Variants in MYO3B observed in about 807,000 individuals in gnomAD.
The protein encoded by MYO3B is myosin-IIIb.
Under a neutral mutation model 174.6 loss-of-function variants are expected in MYO3B, and 156 were observed. The ratio of observed to expected loss-of-function variants is 0.89; its 90% CI spans 0.78 to 1.02. The LOEUF (loss-of-function observed/expected upper bound fraction) is 1.02. Ranked by LOEUF, MYO3B falls within the 50% of genes least tolerant of loss-of-function variation. The pLI is 0.00. For missense variants in MYO3B, 1,632 were observed against 1,639.4 expected, an observed-to-expected ratio of 1.00 and a Z score of 0.08; for synonymous variants, 563 against 569.1, an observed-to-expected ratio of 0.99 and a Z score of 0.15.
In MYO3B at chr2:170,600,605, A is replaced by G. The variant is rs572342797; in HGVS notation, c.3734-51023A>G. Among the ~76,000 whole-genome samples, 6 of 152,332 alleles carry G rather than the reference A, an allele frequency of 3.9e-5. No individual in the cohort carries two copies. In the South Asian group the frequency reaches 1.0e-3, roughly 26 times the overall value. ...GAAAGTCTCATTTCCTGAGCAGTCC[A>G]TATTTAGATAAATGGGAAAAGACAT... On this transcript the variant is annotated intron_variant, in intron 32 of 34. Transcript: ENST00000408978.
chr2:170,401,539 T>C lies in MYO3B; in HGVS notation c.1977T>C (p.Cys659=). The part of the protein sequence containing the change: ...EELQEALTSH[C]VVTRGETIIR... ...TCCAGGAGGCCCTCACCTCCCACTG[T>C]GTGGTCACCCGGGGCGAGACCATCA... The change falls in exon 18 of 35, where the codon TGT becomes TGC. Residue 659 remains cysteine (C), a synonymous_variant. Transcript: ENST00000408978. 1 of 1,614,204 alleles carries C rather than the reference T, an allele frequency of 6.2e-7. No individual in the cohort carries two copies. Among genetic ancestry groups the C allele is most frequent in the Non-Finnish European group, 8.5e-7 (1 of 1,180,034 alleles).
chr2:170,585,188 G>A (rs886563579), intron 32 of MYO3B, among the ~76,000 whole-genome samples: 1 of 152,190 alleles, frequency 6.6e-6, no homozygotes, highest in African/African-American at 2.4e-5. Flanking sequence ...CTAGGGGCAT[G>A]CACAAAAAGG....
At chr2:170,415,435 A>T (rs1186106203) in intron 22 of MYO3B, among the ~76,000 whole-genome samples, 1 of 152,108 alleles carries the variant, frequency 6.6e-6, no homozygotes, top group African/African-American at 2.4e-5. Context: ...CATACATTTT[A>T]CTTATGTATC....
chr2:170,201,047 G>T (rs1314516714), intron 3 of MYO3B, among the ~76,000 whole-genome samples: 7 of 152,144 alleles, frequency 4.6e-5, no homozygotes, highest in Admixed American at 4.6e-4. Flanking sequence ...TGTGAAGAGG[G>T]AATCTGAAGG....
intron 3 of MYO3B, 54 bp downstream of exon 3, chr2:170,200,338 C>T (rs2092647681): frequency 1.3e-5 from 20 of 1,576,884 alleles, no homozygotes; most frequent in Non-Finnish European, 1.7e-5. Flanking sequence ...CAGAGGCCAA[C>T]AGATGCTTTA....
intron 29 of MYO3B, among the ~76,000 whole-genome samples, chr2:170,516,642 CAA>C (rs35780085): frequency 0.02 from 2,113 of 108,156 alleles, 52 homozygotes; most frequent in African/African-American, 0.06. Flanking sequence ...GACTCCGTCT[CAA>C]AAAAAAAAAA....
intron 6 of MYO3B, among the ~76,000 whole-genome samples, chr2:170,235,705 T>C (rs1367730232): frequency 6.6e-6 from 1 of 152,192 alleles, no homozygotes; most frequent in Non-Finnish European, 1.5e-5. Context: ...GTTGGGATGG[T>C]GTGGTATACA....
rs376666399 is a variant in MYO3B, at chr2:170,346,040, T to C, written c.815+10590T>C. 5.9e-5 allele frequency: 9 copies of C among 152,242 alleles called. No homozygotes were observed. The East Asian group carries it at 7.7e-4, about 13-fold the overall frequency. The allele number at this position is 152,242 out of a possible 1,614,324, so 9.4% of individuals were successfully genotyped here. ...AAGTCACTTGGTTTGTGATACTTTATTATAGCAGCCCTAGGAAATTAATAC... is the reference window on the plus strand; with the variant it reads ...AAGTCACTTGGTTTGTGATACTTTACTATAGCAGCCCTAGGAAATTAATAC... On this transcript the variant is annotated intron_variant, in intron 8 of 34. Coordinates refer to ENST00000408978, the MANE Select transcript of MYO3B (RefSeq NM_138995.5).
intron 32 of MYO3B, among the ~76,000 whole-genome samples, chr2:170,625,309 G>C (rs1282513512): frequency 2.6e-5 from 4 of 152,074 alleles, no homozygotes; most frequent in South Asian, 2.1e-4. Context: ...GTATATGTGT[G>C]GAGGTATTTA....
intron 24 of MYO3B, 119 bp from the exon 25 acceptor site, chr2:170,466,387 T>C: frequency 3.5e-6 from 3 of 849,862 alleles, no homozygotes; most frequent in Non-Finnish European, 5.6e-6. Context: ...TGATTTCATG[T>C]TCTTCCTCAA....
intron 32 of MYO3B, among the ~76,000 whole-genome samples, chr2:170,592,525 C>A (rs577504759): frequency 1.3e-5 from 2 of 152,174 alleles, no homozygotes; most frequent in East Asian, 3.8e-4. Flanking sequence ...TAGGTTAAAA[C>A]AAAATGAGTG....
intron 7 of MYO3B, among the ~76,000 whole-genome samples, chr2:170,291,109 C>T (rs552108748): frequency 6.6e-6 from 1 of 151,984 alleles, no homozygotes; most frequent in South Asian, 2.1e-4. Flanking sequence ...ATTAGCCAGG[C>T]ATGGTGATGG....
chr2:170,604,137 A>G (rs1303650023), intron 32 of MYO3B, among the ~76,000 whole-genome samples: 2 of 152,200 alleles, frequency 1.3e-5, no homozygotes, highest in East Asian at 1.9e-4. Context: ...CTAGTGGCAC[A>G]TTTCTCAGAA....
chr2:170,561,125 T>C (rs1274727932), intron 32 of MYO3B, among the ~76,000 whole-genome samples: 4 of 152,204 alleles, frequency 2.6e-5, no homozygotes, highest in Non-Finnish European at 5.9e-5. Context: ...TTCAGTCCAT[T>C]AATGGAACCC....
At chr2:170,423,455 G>T (rs974621788) in intron 22 of MYO3B, among the ~76,000 whole-genome samples, 2 of 152,110 alleles carry the variant, frequency 1.3e-5, no homozygotes, top group Non-Finnish European at 2.9e-5. Context: ...AGGTGGGGTA[G>T]CACAGAATAA....
intron 9 of MYO3B, 116 bp downstream of exon 9, chr2:170,369,493 GTT>G (rs1215374836): frequency 1.7e-5 from 21 of 1,202,378 alleles, no homozygotes; most frequent in Non-Finnish European, 2.3e-5. Flanking sequence ...ATTTTTAAGA[GTT>G]TTATTTACAT....
chr2:170,509,047 T>C (rs1194949853), intron 28 of MYO3B, among the ~76,000 whole-genome samples: 1 of 152,164 alleles, frequency 6.6e-6, no homozygotes, highest in African/African-American at 2.4e-5. Context: ...TACTCTTCTA[T>C]GGAGGACATA....
intron 32 of MYO3B, among the ~76,000 whole-genome samples, chr2:170,557,863 A>C (rs1472100478): frequency 6.6e-6 from 1 of 152,136 alleles, no homozygotes; most frequent in Non-Finnish European, 1.5e-5. Context: ...TTCTTTTTCC[A>C]CACGGGGAGA....
chr2:170,458,157 C>T (rs1282281402), intron 23 of MYO3B, among the ~76,000 whole-genome samples: 8 of 152,178 alleles, frequency 5.3e-5, no homozygotes, highest in East Asian at 1.9e-4. Context: ...TGCTCTGCTT[C>T]GATATGATTG....
Sources: gnomAD v4.1 joint callset for allele counts (sites outside exome capture counted in the v4.1 genomes callset) on GRCh38, gnomAD v4.1.1 for gene constraint, MANE v1.5 for transcripts, NCBI Gene and HGNC (gene_info 2026-07-23, HGNC 2026-07-21) for gene names.